The following DOCK3 variants were observed in gnomAD, a reference collection of about 807,000 sequenced individuals.
DOCK3 encodes the protein dedicator of cytokinesis 3.
Under a neutral mutation model 265.6 loss-of-function variants are expected in DOCK3, and 60 were observed. The ratio of observed to expected loss-of-function variants is 0.23; its 90% CI spans 0.18 to 0.28. DOCK3 has a LOEUF of 0.28. Ranked by LOEUF, DOCK3 falls within the 10% of genes least tolerant of loss-of-function variation. The pLI, the probability that DOCK3 is intolerant of heterozygous loss-of-function variation, is 1.00. For missense variants in DOCK3, 1,981 were observed against 2,594.3 expected, an observed-to-expected ratio of 0.76 and a Z score of 5.14; for synonymous variants, 881 against 938.0, an observed-to-expected ratio of 0.94 and a Z score of 1.11.
rs781990843 is a variant in DOCK3 at position 51,380,190 on chromosome 3, G to T, written c.5566G>T (p.Ala1856Ser). 3 of 1,612,228 alleles carry T rather than the reference G, an allele frequency of 1.9e-6. No homozygotes were observed. Among genetic ancestry groups the T allele is most frequent in the Non-Finnish European group, 1.7e-6 (2 of 1,178,898 alleles). Residue 1856 changes from alanine (A) to serine (S), a missense_variant, in exon 52 of 53, where the codon GCC (alanine) becomes TCC (serine). Around this residue, in one of 4 missense-constraint regions of DOCK3, gnomAD observed 1,357 missense variants for 1,866.8 expected, o/e 0.73. Transcript: ENST00000266037. ...GGGTGATACCCCCCCAGCCCTCCCT[G>T]CCCGGACCCTGCGCAAGGTAATGTA... Reference protein sequence around the residue: ...PLGDTPPALPARTLRKSPLHP... With the variant: ...PLGDTPPALPSRTLRKSPLHP...
intron 27 of DOCK3, among the ~76,000 whole-genome samples, chr3:51,292,771 A>G (rs1253770396): frequency 6.6e-6 from 1 of 152,062 alleles, no homozygotes; most frequent in Non-Finnish European, 1.5e-5. Context: ...TCCACCTCCC[A>G]GGTTCTAGAG....
intron 12 of DOCK3, among the ~76,000 whole-genome samples, chr3:51,166,396 A>G (rs1374857682): frequency 6.6e-6 from 1 of 152,142 alleles, no homozygotes; most frequent in Non-Finnish European, 1.5e-5. Flanking sequence ...GCTTGTTTCC[A>G]TATCATGGCT....
chr3:50,720,174 G>A (rs571646096), intron 1 of DOCK3, among the ~76,000 whole-genome samples: 16 of 152,102 alleles, frequency 1.1e-4, no homozygotes, highest in African/African-American at 3.9e-4. Flanking sequence ...AGGTACATGT[G>A]CACATTTTTT....
At position 51,222,610 on chromosome 3, in the gene DOCK3, A is replaced by G. The variant is rs548374731; in HGVS notation, c.1253-3039A>G. On this transcript the variant is annotated intron_variant, in intron 14 of 52. Coordinates refer to ENST00000266037, the MANE Select transcript of DOCK3 (RefSeq NM_004947.5). ...CATAAGCCCAATAGCCTAATACCTA[A>G]CCTGACTGAGAATAGTTCTAGTCTA... Among the ~76,000 whole-genome samples the G allele has an allele frequency of 1.2e-4, 19 of 152,322 alleles. No homozygotes were observed. In the South Asian group the frequency reaches 2.5e-3, roughly 20 times the overall value.
chr3:50,806,157 A>G (rs893441380), intron 2 of DOCK3, among the ~76,000 whole-genome samples: 2 of 151,542 alleles, frequency 1.3e-5, no homozygotes, highest in African/African-American at 4.9e-5. Context: ...GGATGTGGAA[A>G]TACAACTGCC....
chr3:51,043,356 A>G (rs952297833), intron 5 of DOCK3, among the ~76,000 whole-genome samples: 1 of 152,222 alleles, frequency 6.6e-6, no homozygotes, highest in African/African-American at 2.4e-5. Flanking sequence ...TATTCAATAA[A>G]TGGTGCTGGG....
chr3:51,313,538 C>T (rs549643793), intron 31 of DOCK3, among the ~76,000 whole-genome samples: 84 of 152,270 alleles, frequency 5.5e-4, no homozygotes, highest in African/African-American at 1.9e-3. Context: ...TTCTGGGTTG[C>T]CCTGGTGACT....
intron 7 of DOCK3, among the ~76,000 whole-genome samples, chr3:51,086,466 A>G (rs1050583729): frequency 3.1e-4 from 47 of 152,078 alleles, no homozygotes; most frequent in African/African-American, 1.1e-3. Flanking sequence ...AAATAAAGTC[A>G]GAAACAAAAA....
chr3:50,994,251 T>A lies in DOCK3; in HGVS notation c.315+60174T>A, dbSNP rs139007729. ...AAGGGAAAAAGATAAGTCAAAATTA[T>A]AAAATATTTCACATGTAAATTTATC... is the stretch of plus-strand genomic sequence containing the variant. On this transcript the variant is annotated intron_variant, in intron 5 of 52. Transcript: ENST00000266037. 1.5e-3 allele frequency among the ~76,000 whole-genome samples: 235 copies of A among 152,336 alleles called. 2 individuals carry two copies. The highest frequency in any genetic ancestry group is 7.9e-3 in the East Asian group (41 of 5,188).
intron 1 of DOCK3, among the ~76,000 whole-genome samples, chr3:50,700,576 T>A (rs2035974657): frequency 6.6e-6 from 1 of 152,238 alleles, no homozygotes; most frequent in South Asian, 2.1e-4. Context: ...CATAATGACC[T>A]CTAGTTCCAA....
chr3:51,043,012 A>C (rs1429867839), intron 5 of DOCK3, among the ~76,000 whole-genome samples: 3 of 152,254 alleles, frequency 2.0e-5, no homozygotes, highest in African/African-American at 7.2e-5. Flanking sequence ...TAAAACGGCC[A>C]TACTGCCCAA....
intron 37 of DOCK3, among the ~76,000 whole-genome samples, 195 bp from the exon 38 acceptor site, chr3:51,341,042 T>C (rs1281229204): frequency 6.6e-6 from 1 of 152,224 alleles, no homozygotes; most frequent in Non-Finnish European, 1.5e-5. Context: ...AATATTTGGC[T>C]CCTTCATGCT....
At chr3:51,017,844 A>G (rs539153533) in intron 5 of DOCK3, among the ~76,000 whole-genome samples, 20 of 151,808 alleles carry the variant, frequency 1.3e-4, no homozygotes, top group Admixed American at 3.9e-4. Context: ...TAGTTATGCA[A>G]ATTTACTCTT....
At chr3:50,873,370 C>T (rs1014863706) in intron 3 of DOCK3, among the ~76,000 whole-genome samples, 2 of 152,106 alleles carry the variant, frequency 1.3e-5, no homozygotes, top group Non-Finnish European at 2.9e-5. Flanking sequence ...CATGACCTCA[C>T]GACTCTGAGC....
At position 51,089,239 on chromosome 3, in the gene DOCK3, A is replaced by G. The variant is rs756869800; in HGVS notation, c.550-4A>G. 1 of 1,606,466 alleles carries G rather than the reference A, an allele frequency of 6.2e-7. No homozygotes were observed. Among genetic ancestry groups the G allele is most frequent in the Non-Finnish European group, 8.5e-7 (1 of 1,176,196 alleles). On this transcript the variant is annotated splice_region_variant and splice_polypyrimidine_tract_variant and intron_variant, in intron 7 of 52. Coordinates refer to ENST00000266037, the MANE Select transcript of DOCK3 (RefSeq NM_004947.5). ...AGTTTATTTTTCTTTCCTTCTTTCCATAGCATTTATCTAGCCGGCAGAGTG... is the reference window on the plus strand; with the variant it reads ...AGTTTATTTTTCTTTCCTTCTTTCCGTAGCATTTATCTAGCCGGCAGAGTG...
intron 4 of DOCK3, among the ~76,000 whole-genome samples, chr3:50,908,197 C>CTT (rs550837883): frequency 0.17 from 18,966 of 114,110 alleles, 1,925 homozygotes; most frequent in Non-Finnish European, 0.24. Context: ...TTTTGAAGGG[C>CTT]TTTTTTTTTT....
intron 1 of DOCK3, among the ~76,000 whole-genome samples, chr3:50,746,072 A>G (rs2039417214): frequency 6.7e-6 from 1 of 149,754 alleles, no homozygotes; most frequent in African/African-American, 2.5e-5. Context: ...TTACAGTCTC[A>G]TTCAAAGAGC....
At chr3:50,894,360 C>G (rs1212914144) in intron 4 of DOCK3, among the ~76,000 whole-genome samples, 1 of 151,982 alleles carries the variant, frequency 6.6e-6, no homozygotes, top group East Asian at 1.9e-4. Context: ...TCAACCAGTA[C>G]CCAGCAAAAC....
chr3:51,187,701 G>C (rs2087696022), intron 12 of DOCK3, among the ~76,000 whole-genome samples: 1 of 151,694 alleles, frequency 6.6e-6, no homozygotes, highest in Admixed American at 6.6e-5. Flanking sequence ...CTCATGAATG[G>C]GTCTCTTGAG....
Sources: allele counts gnomAD v4.1 joint callset (sites outside exome capture counted in the v4.1 genomes callset), GRCh38; gene constraint gnomAD v4.1.1; regional missense constraint gnomAD v4.1.1; transcripts MANE v1.5; gene names NCBI Gene and HGNC (gene_info 2026-07-23, HGNC 2026-07-21).